The following MYO1E variants were observed in gnomAD, a reference collection of about 807,000 sequenced individuals.
The protein encoded by MYO1E is myosin IE.
A neutral mutation model predicts 151.1 loss-of-function variants in MYO1E; 68 were observed. The ratio of observed to expected loss-of-function variants is 0.45; its 90% CI spans 0.37 to 0.55. The LOEUF (loss-of-function observed/expected upper bound fraction) is 0.55, where lower values mean the gene tolerates loss of function less well. MYO1E is among the 20% of genes least tolerant of loss of function. The pLI is 0.00. For missense variants in MYO1E, 1,363 were observed against 1,389.3 expected (o/e 0.98, Z 0.30); for synonymous variants, 601 against 501.7 (o/e 1.20, Z -2.64).
intron 1 of MYO1E, among the ~76,000 whole-genome samples, chr15:59,295,473 T>C (rs2080443331): frequency 6.6e-6 from 1 of 152,126 alleles, no homozygotes; most frequent in Admixed American, 6.5e-5. Context: ...GCTGAGTACT[T>C]GGCACTACAG....
chr15:59,183,795 GTATGCAT>G, intron 18 of MYO1E, among the ~76,000 whole-genome samples: 1 of 151,724 alleles, frequency 6.6e-6, no homozygotes, highest in East Asian at 1.9e-4. Flanking sequence ...CTATTTTTTT[GTATGCAT>G]TAACCATCTG....
intron 1 of MYO1E, among the ~76,000 whole-genome samples, chr15:59,279,793 G>C: frequency 6.6e-6 from 1 of 152,250 alleles, no homozygotes; most frequent in Non-Finnish European, 1.5e-5. Flanking sequence ...AATAACAAGG[G>C]ATGGTAAGGA....
Position 59,137,372 on chromosome 15 carries a change from C to G in MYO1E, c.*8G>C. On this transcript the variant is annotated 3_prime_UTR_variant, in exon 28 of 28. Transcript: ENST00000288235. ...TCCTCTGCCCCATGTGTCAGAGTCA[C>G]GGGCACCTCAGATCTTGGTCACATA... is the stretch of plus-strand genomic sequence containing the variant. 2.5e-6 allele frequency: 4 copies of G among 1,613,814 alleles called. No individual in the cohort carries two copies. The highest frequency in any genetic ancestry group is 3.4e-6 in the Non-Finnish European group (4 of 1,179,704).
At chr15:59,164,301 C>G (rs3794498) in intron 22 of MYO1E, among the ~76,000 whole-genome samples, 32 of 152,170 alleles carry the variant, frequency 2.1e-4, no homozygotes, top group African/African-American at 6.5e-4. Flanking sequence ...CTGCCAAATA[C>G]CAAAGACAAC....
intron 1 of MYO1E, among the ~76,000 whole-genome samples, chr15:59,300,060 G>A (rs948966340): frequency 2.0e-5 from 3 of 152,138 alleles, no homozygotes; most frequent in Admixed American, 6.5e-5. Flanking sequence ...TCACCACTGA[G>A]AAGCTAAAAG....
chr15:59,262,386 G>C (rs1596389802), intron 2 of MYO1E, among the ~76,000 whole-genome samples: 1 of 152,170 alleles, frequency 6.6e-6, no homozygotes, highest in South Asian at 2.1e-4. Flanking sequence ...AGAAGGCCAA[G>C]GGGGTGGATC....
intron 2 of MYO1E, among the ~76,000 whole-genome samples, chr15:59,269,243 C>T (rs2080275433): frequency 6.6e-6 from 1 of 152,122 alleles, no homozygotes; most frequent in South Asian, 2.1e-4. Context: ...TTTGGTTTCA[C>T]CCTACAACAG....
At position 59,202,326 on chromosome 15, in the gene MYO1E, C is replaced by CTT. The variant is rs2079807209; in HGVS notation, c.1696_1697dup (p.Lys567ArgfsTer8). On this transcript the variant is annotated frameshift_variant and splice_region_variant, in exon 16 of 28. Transcript: ENST00000288235. LOFTEE classifies it high-confidence loss of function. ...ATAAACTTCCTAAAATAGAACTAAC[C>CTT]TTTATTTTGCTTCCGGCAGTAGTTG... 6.2e-7 allele frequency: 1 copy of CTT among 1,613,130 alleles called. No homozygotes were observed. Among genetic ancestry groups the CTT allele is most frequent in the Non-Finnish European group, 8.5e-7 (1 of 1,179,178 alleles).
intron 1 of MYO1E, among the ~76,000 whole-genome samples, chr15:59,346,495 T>TGTG: frequency 6.6e-6 from 1 of 152,346 alleles, no homozygotes; most frequent in Middle Eastern, 3.4e-3. Flanking sequence ...CTTGTAATTC[T>TGTG]GTGGGTTATG....
intron 24 of MYO1E, 122 bp downstream of exon 24, chr15:59,160,951 C>CCCAGCAAGCAGAAGGTGTA: frequency 7.6e-7 from 1 of 1,324,220 alleles, no homozygotes; most frequent in Non-Finnish European, 1.1e-6. Flanking sequence ...AAGCGTGAGC[C>CCCAGCAAGCAGAAGGTGTA]CCAGCAAGCA....
intron 1 of MYO1E, among the ~76,000 whole-genome samples, chr15:59,315,502 A>G (rs946735715): frequency 6.6e-6 from 1 of 151,744 alleles, no homozygotes; most frequent in African/African-American, 2.4e-5. Context: ...ACGTTTACCT[A>G]TGTAACAAAC....
Position 59,261,334 on chromosome 15 carries a change from C to T in MYO1E, c.237+86G>A. The T allele has an allele frequency of 3.2e-6, 3 of 934,020 alleles. No individual in the cohort carries two copies. The South Asian group carries it at 4.4e-5, about 14-fold the overall frequency. The allele number at this position is 934,020 out of a possible 1,614,324, so 57.9% of individuals were successfully genotyped here. Reference sequence around the variant, plus strand: ...ATAAAAAATTCATAATAGAAAAGTGCAAAAGTACTGCTAACTTCAAGAAAA... The same window carrying T: ...ATAAAAAATTCATAATAGAAAAGTGTAAAAGTACTGCTAACTTCAAGAAAA... On this transcript the variant is annotated intron_variant, in intron 3 of 27. Transcript: ENST00000288235.
intron 15 of MYO1E, among the ~76,000 whole-genome samples, chr15:59,203,098 G>A (rs1283815930): frequency 6.6e-6 from 1 of 152,156 alleles, no homozygotes; most frequent in African/African-American, 2.4e-5. Context: ...GGAATTATAT[G>A]AAATGTCTGG....
In MYO1E at chr15:59,137,360, G is replaced by GTGTCA; in HGVS notation, c.*15_*19dup. 6.2e-7 allele frequency: 1 copy of GTGTCA among 1,611,556 alleles called. No individual in the cohort carries two copies. The highest frequency in any genetic ancestry group is 1.7e-5 in the Admixed American group (1 of 60,018). ...TGTGCCTGGAGCTCCTCTGCCCCAT[G>GTGTCA]TGTCAGAGTCACGGGCACCTCAGAT... is the stretch of plus-strand genomic sequence containing the variant. On this transcript the variant is annotated 3_prime_UTR_variant, in exon 28 of 28. Coordinates refer to ENST00000288235, the MANE Select transcript of MYO1E (RefSeq NM_004998.4).
At chr15:59,224,099 G>GGGT (rs2079972619) in intron 8 of MYO1E, among the ~76,000 whole-genome samples, 5 of 152,190 alleles carry the variant, frequency 3.3e-5, no homozygotes, top group Admixed American at 2.0e-4. Flanking sequence ...GAGGCCAAGT[G>GGGT]GGTGTTCAGC....
At chr15:59,331,831 G>C (rs2080699960) in intron 1 of MYO1E, among the ~76,000 whole-genome samples, 2 of 152,130 alleles carry the variant, frequency 1.3e-5, no homozygotes, top group African/African-American at 4.8e-5. Flanking sequence ...TTTATATGTA[G>C]CTAGTTCTGG....
intron 16 of MYO1E, among the ~76,000 whole-genome samples, chr15:59,197,620 T>G (rs2079775809): frequency 6.6e-6 from 1 of 152,194 alleles, no homozygotes; most frequent in Non-Finnish European, 1.5e-5. Context: ...ACAATTTGCA[T>G]GAAAGAGAAG....
chr15:59,233,425 G>T (rs2080040495), intron 5 of MYO1E, among the ~76,000 whole-genome samples: 1 of 152,038 alleles, frequency 6.6e-6, no homozygotes, highest in African/African-American at 2.4e-5. Context: ...CAGCACTTTG[G>T]GAAGCCAAGG....
intron 23 of MYO1E, among the ~76,000 whole-genome samples, chr15:59,162,428 G>A (rs1040651136): frequency 6.6e-6 from 1 of 152,066 alleles, no homozygotes; most frequent in African/African-American, 2.4e-5. Context: ...TGGATCACTT[G>A]AGGTTAGGAG....
Sources: allele counts gnomAD v4.1 joint callset (sites outside exome capture counted in the v4.1 genomes callset), GRCh38; gene constraint gnomAD v4.1.1; transcripts MANE v1.5; gene names NCBI Gene and HGNC (gene_info 2026-07-23, HGNC 2026-07-21).